Variants in RAB38 observed in about 807,000 individuals in gnomAD.
RAB38 encodes the protein ras-related protein Rab-38.
RAB38 carries 15 observed loss-of-function variants against 18.4 expected under a neutral mutation model. The observed-to-expected ratio is 0.82, with a 90% CI of 0.55 to 1.26. The LOEUF (loss-of-function observed/expected upper bound fraction) is 1.26. Ranked by LOEUF, RAB38 falls within the 50% of genes most tolerant of loss-of-function variation. The pLI, the probability that RAB38 is intolerant of heterozygous loss-of-function variation, is 0.00. For missense variants in RAB38, 294 were observed against 267.4 expected (o/e 1.10, Z -0.69); for synonymous variants, 101 against 104.4 (o/e 0.97, Z 0.20).
chr11:88,117,906 TA>T (rs1157974685), intron 2 of RAB38, among the ~76,000 whole-genome samples: 3 of 152,228 alleles, frequency 2.0e-5, no homozygotes, highest in Non-Finnish European at 4.4e-5. Context: ...TCATACAAGT[TA>T]ACCATCAGAA....
At chr11:87,961,981 A>T in the RAB38 span, among the ~76,000 whole-genome samples, 2 of 152,244 alleles carry the variant, frequency 1.3e-5, no homozygotes, top group East Asian at 3.9e-4. Context: ...AAGCTTTCAT[A>T]TTGGTCATGG....
chr11:88,061,624 A>G, the RAB38 span: 1 of 152,200 alleles, frequency 6.6e-6, no homozygotes, highest in African/African-American at 2.4e-5. Flanking sequence ...ATTTTTTTTA[A>G]TAACCTTTAT....
At chr11:88,038,209 A>G in the RAB38 span, among the ~76,000 whole-genome samples, 1 of 152,170 alleles carries the variant, frequency 6.6e-6, no homozygotes, top group South Asian at 2.1e-4. Flanking sequence ...TCCCCAGCAG[A>G]AAGAATCCTG....
At chr11:88,135,172 T>TA (rs2134801863) in intron 2 of RAB38, among the ~76,000 whole-genome samples, 1 of 152,298 alleles carries the variant, frequency 6.6e-6, no homozygotes, top group South Asian at 2.1e-4. Flanking sequence ...TGCTTACTTC[T>TA]CTTTTTACTC....
the RAB38 span, among the ~76,000 whole-genome samples, chr11:88,026,956 C>T: frequency 6.6e-6 from 1 of 152,132 alleles, no homozygotes; most frequent in African/African-American, 2.4e-5. Flanking sequence ...ACTCATTTTT[C>T]AGTTCAATGT....
At chr11:88,067,782 A>G in the RAB38 span, among the ~76,000 whole-genome samples, 1 of 152,048 alleles carries the variant, frequency 6.6e-6, no homozygotes, top group East Asian at 1.9e-4. Context: ...AAGCATTAGG[A>G]CAAATACCTA....
chr11:88,068,419 A>G, the RAB38 span, among the ~76,000 whole-genome samples: 1 of 152,236 alleles, frequency 6.6e-6, no homozygotes, highest in African/African-American at 2.4e-5. Context: ...ATCTTTAAAA[A>G]TAAACTCATT....
chr11:87,851,756 CT>C, the RAB38 span, among the ~76,000 whole-genome samples: 1 of 152,110 alleles, frequency 6.6e-6, no homozygotes, highest in South Asian at 2.1e-4. Context: ...GAGCCTGGGT[CT>C]TTCTGGGAAC....
At chr11:87,949,930 A>G in the RAB38 span, among the ~76,000 whole-genome samples, 1 of 152,198 alleles carries the variant, frequency 6.6e-6, no homozygotes, top group Non-Finnish European at 1.5e-5. Context: ...ACTGAGTTCA[A>G]TTCCTGGATA....
intron 1 of RAB38, among the ~76,000 whole-genome samples, chr11:88,153,352 C>A (rs1943086168): frequency 6.6e-6 from 1 of 152,200 alleles, no homozygotes; most frequent in African/African-American, 2.4e-5. Context: ...AACATCACAG[C>A]TAAAATGTAT....
the RAB38 span, among the ~76,000 whole-genome samples, chr11:87,932,290 A>T: frequency 3.3e-5 from 5 of 152,124 alleles, no homozygotes; most frequent in Non-Finnish European, 7.4e-5. Context: ...TTAAAGTAAA[A>T]TTTTTAAAAA....
the RAB38 span, among the ~76,000 whole-genome samples, chr11:88,067,985 A>ATG: frequency 6.8e-6 from 1 of 147,760 alleles, no homozygotes. Context: ...ATATATACTT[A>ATG]TATATATACA....
At chr11:87,963,097 A>T in the RAB38 span, among the ~76,000 whole-genome samples, 1 of 152,224 alleles carries the variant, frequency 6.6e-6, no homozygotes, top group Non-Finnish European at 1.5e-5. Context: ...ATAATTTGAT[A>T]TAAGTTGCAT....
chr11:88,026,127 G>A, the RAB38 span, among the ~76,000 whole-genome samples: 747 of 152,010 alleles, frequency 4.9e-3, 7 homozygotes, highest in African/African-American at 0.017. Context: ...ACCACGTCTG[G>A]CTAATTTTTG....
chr11:87,870,690 T>C, the RAB38 span, among the ~76,000 whole-genome samples: 1 of 151,632 alleles, frequency 6.6e-6, no homozygotes, highest in South Asian at 2.1e-4. Context: ...CAAGCAAGGA[T>C]AGAACACAAT....
chr11:87,803,732 C>T, the RAB38 span, among the ~76,000 whole-genome samples: 29 of 152,194 alleles, frequency 1.9e-4, no homozygotes, highest in African/African-American at 7.0e-4. Context: ...ACCTGTGAAA[C>T]TACAAAACAA....
chr11:87,963,805 C>T, the RAB38 span, among the ~76,000 whole-genome samples: 1 of 151,918 alleles, frequency 6.6e-6, no homozygotes. Flanking sequence ...TGTCACCACG[C>T]CTGGCTAATT....
the RAB38 span, among the ~76,000 whole-genome samples, chr11:88,087,538 G>A: frequency 6.6e-6 from 1 of 151,946 alleles, no homozygotes; most frequent in African/African-American, 2.4e-5. Context: ...GAATGGCACT[G>A]CTCCTTGAGA....
At chr11:88,125,560 A>G (rs1381525856) in intron 2 of RAB38, among the ~76,000 whole-genome samples, 1 of 152,078 alleles carries the variant, frequency 6.6e-6, no homozygotes. Context: ...AAGGTGCCAT[A>G]GAAAGACTCA....
Sources: gnomAD v4.1 joint callset for allele counts (sites outside exome capture counted in the v4.1 genomes callset) on GRCh38, gnomAD v4.1.1 for gene constraint, MANE v1.5 for transcripts, NCBI Gene and HGNC (gene_info 2026-07-23, HGNC 2026-07-21) for gene names.